Variants in ARFGAP3 observed in about 807,000 individuals in gnomAD.
ARFGAP3 encodes the protein ARF GTPase activating protein 3, also known as ADP-ribosylation factor GTPase-activating protein 3.
Under a neutral mutation model 75.0 loss-of-function variants are expected in ARFGAP3, and 72 were observed. The ratio of observed to expected loss-of-function variants is 0.96; its 90% CI spans 0.79 to 1.17. The LOEUF (loss-of-function observed/expected upper bound fraction) is 1.17. Ranked by LOEUF, ARFGAP3 falls within the 50% of genes most tolerant of loss-of-function variation. ARFGAP3 has a pLI of 0.00. For missense variants in ARFGAP3, 620 were observed against 626.6 expected, an observed-to-expected ratio of 0.99 and a Z score of 0.11; for synonymous variants, 221 against 217.9, an observed-to-expected ratio of 1.01 and a Z score of -0.13.
Position 42,798,917 on chromosome 22 carries a change from C to T in ARFGAP3, c.1533+122G>A, listed in dbSNP as rs1602085114. The T allele has an allele frequency of 1.5e-5, 12 of 818,796 alleles. No individual in the cohort carries two copies. In the East Asian group the frequency reaches 2.7e-4, roughly 18 times the overall value. The allele number at this position is 818,796 out of a possible 1,614,324, so 50.7% of individuals were successfully genotyped here. A position where few individuals can be genotyped will look rare whatever the true frequency, so the allele number is the denominator to read the frequency against. ...CATAATGTTCTGGGTTATAGTGTAG[C>T]AAACATATCGATCCAATAATATATA... On this transcript the variant is annotated intron_variant, in intron 15 of 15. Transcript: ENST00000263245.
chr22:42,834,164 C>G (rs1926418479), intron 5 of ARFGAP3, 78 bp downstream of exon 5: 3 of 1,344,148 alleles, frequency 2.2e-6, no homozygotes, highest in Non-Finnish European at 2.1e-6. Context: ...TAGCCTACAT[C>G]CTAACATTTT....
At chr22:42,804,292 A>G (rs939754899) in intron 14 of ARFGAP3, among the ~76,000 whole-genome samples, 2 of 150,444 alleles carry the variant, frequency 1.3e-5, no homozygotes, top group Non-Finnish European at 3.0e-5. Flanking sequence ...CCACTGCAAC[A>G]TCCCCGTCCC....
chr22:42,834,069 T>C (rs8137257), intron 5 of ARFGAP3, among the ~76,000 whole-genome samples, 173 bp downstream of exon 5: 5,855 of 152,306 alleles, frequency 0.038, 158 homozygotes, highest in African/African-American at 0.074. Flanking sequence ...CATCAGTCAA[T>C]AGCAGATATC....
chr22:42,841,086 G>C (rs961124421), intron 2 of ARFGAP3, 70 bp from the exon 3 acceptor site: 3 of 1,559,488 alleles, frequency 1.9e-6, no homozygotes, highest in Non-Finnish European at 2.6e-6. Context: ...GAGCTTTTGA[G>C]AACAAGGTTT....
At chr22:42,840,893 A>G (rs1452932306) in intron 3 of ARFGAP3, 51 bp downstream of exon 3, 2 of 1,580,654 alleles carry the variant, frequency 1.3e-6, no homozygotes, top group East Asian at 2.3e-5. Context: ...CTATTATAGC[A>G]TAACAAATAT....
chr22:42,802,353 T>G (rs1217197658), intron 14 of ARFGAP3, among the ~76,000 whole-genome samples: 1 of 151,920 alleles, frequency 6.6e-6, no homozygotes, highest in Non-Finnish European at 1.5e-5. Flanking sequence ...TGGCGCGATC[T>G]TAGCTCACTG....
chr22:42,836,466 T>G (rs1602120534), intron 3 of ARFGAP3, among the ~76,000 whole-genome samples: 1 of 152,210 alleles, frequency 6.6e-6, no homozygotes, highest in Non-Finnish European at 1.5e-5. Context: ...TGGATTCCAG[T>G]AAATCAGAAT....
intron 14 of ARFGAP3, among the ~76,000 whole-genome samples, chr22:42,806,100 T>C (rs1016092827): frequency 6.6e-6 from 1 of 152,202 alleles, no homozygotes; most frequent in African/African-American, 2.4e-5. Context: ...GTTGGTCACT[T>C]AGAGCCACAG....
chr22:42,824,674 TAA>T (rs1925962754), intron 7 of ARFGAP3, among the ~76,000 whole-genome samples: 1 of 152,118 alleles, frequency 6.6e-6, no homozygotes. Context: ...CCAAAAACTT[TAA>T]AAATCATTAT....
chr22:42,818,011 T>C (rs571926018), intron 9 of ARFGAP3, 154 bp from the exon 10 acceptor site: 1 of 702,586 alleles, frequency 1.4e-6, no homozygotes, highest in East Asian at 1.3e-4. Context: ...TTTTTCTACC[T>C]GCCTTTTTTG....
intron 1 of ARFGAP3, 115 bp from the exon 2 acceptor site, chr22:42,847,747 G>C (rs931612876): frequency 3.9e-6 from 5 of 1,267,278 alleles, no homozygotes; most frequent in Non-Finnish European, 3.0e-6. Flanking sequence ...TGTAAACTTT[G>C]GGATTGTATT....
intron 3 of ARFGAP3, among the ~76,000 whole-genome samples, chr22:42,839,105 G>C (rs1369558248): frequency 2.9e-5 from 3 of 104,902 alleles, no homozygotes; most frequent in Non-Finnish European, 5.5e-5. Flanking sequence ...GCAAGATTCC[G>C]TCTCAAAAAA....
In ARFGAP3 at chr22:42,839,942, CTCTA is replaced by C. The variant is rs1159869683; in HGVS notation, c.261+998_261+1001del. Among the ~76,000 whole-genome samples the C allele has an allele frequency of 2.6e-5, 4 of 152,038 alleles. No individual in the cohort carries two copies. In the East Asian group the frequency reaches 5.8e-4, roughly 22 times the overall value. Reference sequence around the variant, plus strand: ...ATTATTTTGATAATCTATCAACTCACTCTATCTATCACTGATCTCACTCTATCAA... The same window carrying C: ...ATTATTTTGATAATCTATCAACTCACTCTATCACTGATCTCACTCTATCAA... On this transcript the variant is annotated intron_variant, in intron 3 of 15. Transcript: ENST00000263245.
intron 3 of ARFGAP3, among the ~76,000 whole-genome samples, chr22:42,838,295 T>TTC (rs1926625271): frequency 2.0e-5 from 3 of 149,122 alleles, no homozygotes; most frequent in African/African-American, 7.4e-5. Flanking sequence ...TATATATTTT[T>TTC]TTTTTCTTTT....
At chr22:42,805,107 G>A (rs190807766) in intron 14 of ARFGAP3, among the ~76,000 whole-genome samples, 2 of 152,142 alleles carry the variant, frequency 1.3e-5, no homozygotes, top group Non-Finnish European at 2.9e-5. Context: ...CGGGGGCAGG[G>A]GAGTGAGTTT....
At chr22:42,813,999 C>T (rs1925477564) in intron 11 of ARFGAP3, among the ~76,000 whole-genome samples, 1 of 152,176 alleles carries the variant, frequency 6.6e-6, no homozygotes, top group South Asian at 2.1e-4. Flanking sequence ...ACCCTAATAT[C>T]ACATTTGCTC....
intron 7 of ARFGAP3, among the ~76,000 whole-genome samples, chr22:42,826,375 C>T (rs955615018): frequency 4.0e-5 from 6 of 151,002 alleles, no homozygotes; most frequent in African/African-American, 1.5e-4. Flanking sequence ...TAAATGTGCA[C>T]ATTGCTGCTT....
At chr22:42,810,064 AC>A (rs1925296087) in intron 12 of ARFGAP3, among the ~76,000 whole-genome samples, 1 of 150,864 alleles carries the variant, frequency 6.6e-6, no homozygotes, top group Admixed American at 6.6e-5. Flanking sequence ...GACCTAGGCC[AC>A]CCCTGACCCA....
At chr22:42,817,689 C>A in intron 10 of ARFGAP3, 40 bp downstream of exon 10, 1 of 1,499,576 alleles carries the variant, frequency 6.7e-7, no homozygotes, top group Admixed American at 1.8e-5. Flanking sequence ...GATTGACACA[C>A]TGTTTTAAAT....
Sources: allele counts gnomAD v4.1 joint callset (sites outside exome capture counted in the v4.1 genomes callset), GRCh38; gene constraint gnomAD v4.1.1; transcripts MANE v1.5; gene names NCBI Gene and HGNC (gene_info 2026-07-23, HGNC 2026-07-21).